MIPOL1: variants seen among roughly 807,000 people sequenced by gnomAD.
MIPOL1 encodes the protein mirror-image polydactyly 1.
A neutral mutation model predicts 60.9 loss-of-function variants in MIPOL1; 57 were observed. The ratio of observed to expected loss-of-function variants is 0.94; its 90% confidence interval spans 0.76 to 1.17. The LOEUF is 1.17. Ranked by LOEUF, MIPOL1 falls within the 50% of genes most tolerant of loss-of-function variation. The probability of loss-of-function intolerance (pLI) is 0.00; values close to 1 mark genes in which losing one functional copy is unlikely to be tolerated. For synonymous variants in MIPOL1, 179 were observed against 168.8 expected (o/e 1.06, Z -0.47); for missense variants, 551 against 511.6 (o/e 1.08, Z -0.74).
chr14:37,264,906 C>T (rs2082766583), intron 3 of MIPOL1, among the ~76,000 whole-genome samples: 1 of 152,142 alleles, frequency 6.6e-6, no homozygotes, highest in African/African-American at 2.4e-5. Flanking sequence ...TTCTGGATGA[C>T]TTCAATGCCT....
chr14:37,287,257 G>A (rs370839104), intron 7 of MIPOL1, among the ~76,000 whole-genome samples: 9 of 151,538 alleles, frequency 5.9e-5, no homozygotes, highest in African/African-American at 2.2e-4. Context: ...GGGTTGGTTG[G>A]TTGTTTAGAG....
intron 6 of MIPOL1, 145 bp from the exon 7 acceptor site, chr14:37,285,173 A>G (rs562439964): frequency 2.5e-6 from 2 of 813,080 alleles, no homozygotes; most frequent in Non-Finnish European, 1.8e-6. Context: ...TAAAAATAAT[A>G]TTTTATGAAT....
At chr14:37,396,566 G>A (rs1367223449) in intron 10 of MIPOL1, among the ~76,000 whole-genome samples, 1 of 152,038 alleles carries the variant, frequency 6.6e-6, no homozygotes, top group Non-Finnish European at 1.5e-5. Flanking sequence ...CCCCAAATAT[G>A]TTTTCCAAAC....
intron 3 of MIPOL1, among the ~76,000 whole-genome samples, chr14:37,262,174 A>T (rs2082558070): frequency 6.6e-6 from 1 of 152,040 alleles, no homozygotes; most frequent in African/African-American, 2.4e-5. Context: ...ATATTTAGTA[A>T]TGGAAATAAA....
At chr14:37,263,659 T>C (rs2082666757) in intron 3 of MIPOL1, among the ~76,000 whole-genome samples, 1 of 152,214 alleles carries the variant, frequency 6.6e-6, no homozygotes, top group Non-Finnish European at 1.5e-5. Context: ...TCATAACTTT[T>C]GAATGATGAA....
intron 12 of MIPOL1, among the ~76,000 whole-genome samples, chr14:37,539,664 C>T (rs796150404): frequency 7.9e-5 from 12 of 152,214 alleles, no homozygotes; most frequent in African/African-American, 2.9e-4. Context: ...AAAGATACAA[C>T]AATTTTCTTA....
intron 11 of MIPOL1, among the ~76,000 whole-genome samples, chr14:37,445,303 G>A (rs1595805575): frequency 6.6e-6 from 1 of 152,242 alleles, no homozygotes; most frequent in South Asian, 2.1e-4. Context: ...ACCAAATCAT[G>A]AGTGAACTCC....
chr14:37,217,276 G>A (rs765508024), intron 1 of MIPOL1, among the ~76,000 whole-genome samples: 10 of 152,244 alleles, frequency 6.6e-5, no homozygotes, highest in Non-Finnish European at 1.2e-4. Flanking sequence ...GTGATGAAAA[G>A]CCCAAGACCT....
At chr14:37,407,845 C>CT (rs35133543) in intron 10 of MIPOL1, among the ~76,000 whole-genome samples, 12 of 88,792 alleles carry the variant, frequency 1.4e-4, no homozygotes, top group African/African-American at 4.5e-4. Context: ...TCTTCTTCTT[C>CT]TTTTTTTTTT....
chr14:37,487,336 A>G (rs2094963980), intron 11 of MIPOL1, among the ~76,000 whole-genome samples: 1 of 152,172 alleles, frequency 6.6e-6, no homozygotes, highest in Non-Finnish European at 1.5e-5. Context: ...TGGTATCAGG[A>G]TAATGCTGGC....
chr14:37,492,355 A>T (rs971827131), intron 11 of MIPOL1, among the ~76,000 whole-genome samples: 4 of 152,218 alleles, frequency 2.6e-5, no homozygotes, highest in Non-Finnish European at 5.9e-5. Context: ...TGTTATCAGT[A>T]AGTGAACAAA....
intron 12 of MIPOL1, among the ~76,000 whole-genome samples, chr14:37,536,134 A>G (rs2095505374): frequency 6.6e-6 from 1 of 152,192 alleles, no homozygotes; most frequent in Admixed American, 6.5e-5. Flanking sequence ...TTAATTTTGA[A>G]GTTATAGGAG....
At chr14:37,277,345 T>C (rs944958181) in intron 6 of MIPOL1, 3 of 151,304 alleles carry the variant, frequency 2.0e-5, no homozygotes, top group Non-Finnish European at 4.5e-5. Flanking sequence ...ATAGTCTGTT[T>C]AGTAAATAAA....
intron 1 of MIPOL1, among the ~76,000 whole-genome samples, chr14:37,246,429 G>C (rs1973215478): frequency 6.6e-6 from 1 of 152,032 alleles, no homozygotes; most frequent in African/African-American, 2.4e-5. Context: ...ATAAGTCATG[G>C]AATCAAATTG....
At chr14:37,252,726 A>G (rs746581069) in intron 3 of MIPOL1, among the ~76,000 whole-genome samples, 19 of 151,910 alleles carry the variant, frequency 1.3e-4, no homozygotes, top group Middle Eastern at 3.2e-3. Context: ...GCAATTCTGT[A>G]ATTGAATTAT....
At chr14:37,543,814 A>C (rs2095538230) in intron 12 of MIPOL1, among the ~76,000 whole-genome samples, 1 of 152,158 alleles carries the variant, frequency 6.6e-6, no homozygotes, top group South Asian at 2.1e-4. Flanking sequence ...ATGAGTTAAA[A>C]CCCTTTCATT....
At chr14:37,437,677 A>G (rs2094183132) in intron 11 of MIPOL1, among the ~76,000 whole-genome samples, 1 of 152,284 alleles carries the variant, frequency 6.6e-6, no homozygotes, top group South Asian at 2.1e-4. Flanking sequence ...CTGAGTGACC[A>G]TCAACGGGTA....
intron 9 of MIPOL1, among the ~76,000 whole-genome samples, chr14:37,312,115 T>C (rs1040740653): frequency 6.6e-6 from 1 of 152,162 alleles, no homozygotes; most frequent in Admixed American, 6.6e-5. Context: ...ATTAACTTTT[T>C]ACTTACTCTG....
intron 9 of MIPOL1, among the ~76,000 whole-genome samples, chr14:37,366,365 T>G (rs1196404184): frequency 6.6e-6 from 1 of 152,076 alleles, no homozygotes; most frequent in East Asian, 1.9e-4. Flanking sequence ...ATCATTTGTT[T>G]CAAGAAGTTT....
Sources: allele counts gnomAD v4.1 joint callset (sites outside exome capture counted in the v4.1 genomes callset), GRCh38; gene constraint gnomAD v4.1.1; transcripts MANE v1.5; gene names NCBI Gene and HGNC (gene_info 2026-07-23, HGNC 2026-07-21).